Variants in COL4A5 observed in about 807,000 individuals in gnomAD.
COL4A5 encodes the protein collagen type IV alpha 5 chain, also known as collagen alpha-5(IV) chain.
COL4A5 carries 26 observed loss-of-function variants against 130.2 expected under a neutral mutation model. The observed-to-expected ratio is 0.20, with a 90% CI of 0.15 to 0.28. COL4A5 has a LOEUF of 0.28. COL4A5 is among the 10% of genes least tolerant of loss of function. The pLI, the probability that COL4A5 is intolerant of heterozygous loss-of-function variation, is 1.00. For synonymous variants in COL4A5, 496 were observed against 439.6 expected, an observed-to-expected ratio of 1.13 and a Z score of -1.60; for missense variants, 1,131 against 1,344.3, an observed-to-expected ratio of 0.84 and a Z score of 2.48.
At chrX:108,668,543 G>A (rs983361585) in intron 41 of COL4A5, 39 bp downstream of exon 41, 1 of 1,046,224 alleles carries the variant, frequency 9.6e-7, no homozygotes, top group African/African-American at 1.9e-5. Flanking sequence ...CTATTTATTA[G>A]TCCATGTATT....
intron 42 of COL4A5, among the ~76,000 whole-genome samples, chrX:108,671,585 T>C (rs181198641): frequency 5.6e-4 from 63 of 111,562 alleles, no homozygotes; most frequent in African/African-American, 2.1e-3. Flanking sequence ...TGAGCTCAAC[T>C]TCAAATACAA....
intron 36 of COL4A5, among the ~76,000 whole-genome samples, chrX:108,654,393 A>G (rs1205382207): frequency 8.9e-6 from 1 of 112,743 alleles, no homozygotes; most frequent in African/African-American, 3.2e-5. Context: ...AACCTACCCT[A>G]ACCTCTTGGG....
intron 2 of COL4A5, among the ~76,000 whole-genome samples, chrX:108,551,674 A>G (rs1363614842): frequency 8.9e-6 from 1 of 111,737 alleles, no homozygotes; most frequent in Non-Finnish European, 1.9e-5. Context: ...AAGAACTTAA[A>G]ACAGAATTCC....
At chrX:108,477,870 A>G (rs1380016974) in intron 1 of COL4A5, among the ~76,000 whole-genome samples, 2 of 109,366 alleles carry the variant, frequency 1.8e-5, no homozygotes, top group Non-Finnish European at 1.9e-5. Context: ...ATTAGTCCCC[A>G]TTTCTGTAGC....
At chrX:108,472,480 G>A (rs1413433447) in intron 1 of COL4A5, among the ~76,000 whole-genome samples, 1 of 111,575 alleles carries the variant, frequency 9.0e-6, no homozygotes, top group Non-Finnish European at 1.9e-5. Context: ...ATTCTGTCAA[G>A]ATTTGCTTCC....
intron 1 of COL4A5, among the ~76,000 whole-genome samples, chrX:108,484,331 A>G (rs1340015605): frequency 9.0e-6 from 1 of 111,377 alleles, no homozygotes; most frequent in Non-Finnish European, 1.9e-5. Flanking sequence ...TGCTTTATTT[A>G]GTTTGGTGAT....
At chrX:108,512,595 G>C (rs1453325863) in intron 1 of COL4A5, among the ~76,000 whole-genome samples, 2 of 110,037 alleles carry the variant, frequency 1.8e-5, no homozygotes, top group African/African-American at 6.6e-5. Flanking sequence ...ATGTCAGTAG[G>C]TTCCGTGATG....
intron 37 of COL4A5, among the ~76,000 whole-genome samples, chrX:108,656,191 A>G (rs2147936673): frequency 9.0e-6 from 1 of 111,693 alleles, no homozygotes; most frequent in South Asian, 3.8e-4. Flanking sequence ...CGAGGTGACC[A>G]CTACTATGAC....
intron 37 of COL4A5, among the ~76,000 whole-genome samples, chrX:108,656,147 C>T (rs28498195): frequency 0.1 from 11,597 of 110,945 alleles, 1,308 homozygotes; most frequent in African/African-American, 0.34. Flanking sequence ...CTTCATCCCA[C>T]GAAGTTTACC....
At chrX:108,640,426 TTTAG>T (rs1569502022) in intron 36 of COL4A5, among the ~76,000 whole-genome samples, 1 of 110,841 alleles carries the variant, frequency 9.0e-6, no homozygotes, top group Non-Finnish European at 1.9e-5. Flanking sequence ...GGTACAAACA[TTTAG>T]TTAGTTATAA....
intron 37 of COL4A5, among the ~76,000 whole-genome samples, chrX:108,657,146 A>C (rs974867723): frequency 1.1e-4 from 12 of 111,961 alleles, no homozygotes; most frequent in African/African-American, 3.9e-4. Flanking sequence ...TATTTGGCTT[A>C]TGAGCTATCT....
intron 43 of COL4A5, chrX:108,676,929 C>A (rs1329417949): frequency 8.9e-6 from 1 of 111,972 alleles, no homozygotes; most frequent in Non-Finnish European, 1.9e-5. Context: ...TCCTAAGTCT[C>A]TTTTTTCTAA....
At chrX:108,449,792 T>G (rs1452807744) in intron 1 of COL4A5, among the ~76,000 whole-genome samples, 4 of 111,607 alleles carry the variant, frequency 3.6e-5, no homozygotes, top group African/African-American at 1.3e-4. Flanking sequence ...GGCACTAATC[T>G]CATTCATGAG....
chrX:108,616,051 C>T (rs2066920574), intron 30 of COL4A5, among the ~76,000 whole-genome samples: 1 of 111,664 alleles, frequency 9.0e-6, no homozygotes, highest in Non-Finnish European at 1.9e-5. Context: ...TTTATGGTCC[C>T]TGACATGTCA....
intron 40 of COL4A5, 147 bp from the exon 41 acceptor site, chrX:108,668,172 T>C (rs1388386004): frequency 3.9e-6 from 2 of 516,594 alleles, no homozygotes. Flanking sequence ...GGAAGGATGG[T>C]TTTCTGGGTA....
At chrX:108,501,833 T>C (rs2065081909) in intron 1 of COL4A5, among the ~76,000 whole-genome samples, 1 of 112,497 alleles carries the variant, frequency 8.9e-6, no homozygotes, top group Non-Finnish European at 1.9e-5. Flanking sequence ...AGTTATTGAC[T>C]CTTTTTTTTG....
At chrX:108,520,672 T>A (rs2065256456) in intron 1 of COL4A5, among the ~76,000 whole-genome samples, 1 of 111,840 alleles carries the variant, frequency 8.9e-6, no homozygotes, top group African/African-American at 3.2e-5. Context: ...TAGCTTCTTT[T>A]GGTTATTATT....
intron 2 of COL4A5, among the ~76,000 whole-genome samples, chrX:108,558,296 T>A (rs777451154): frequency 2.1e-4 from 23 of 110,982 alleles, no homozygotes; most frequent in African/African-American, 6.9e-4. Flanking sequence ...TTACTAGGAT[T>A]GGCTATATGC....
At chrX:108,441,524 C>A (rs1228789522) in intron 1 of COL4A5, among the ~76,000 whole-genome samples, 1 of 111,937 alleles carries the variant, frequency 8.9e-6, no homozygotes, top group Admixed American at 9.4e-5. Context: ...ATTATAATAG[C>A]AAATTTGCTG....
Sources: gnomAD v4.1 joint callset for allele counts (sites outside exome capture counted in the v4.1 genomes callset) on GRCh38, gnomAD v4.1.1 for gene constraint, MANE v1.5 for transcripts, NCBI Gene and HGNC (gene_info 2026-07-23, HGNC 2026-07-21) for gene names.